NRXN3: variants seen among roughly 807,000 people sequenced by gnomAD.
The protein encoded by NRXN3 is neurexin 3, also known as neurexin III.
Under a neutral mutation model 137.6 loss-of-function variants are expected in NRXN3, and 32 were observed. That is an observed-to-expected ratio of 0.23 (90% CI 0.18 to 0.31). The LOEUF (loss-of-function observed/expected upper bound fraction) is 0.31, where lower values mean the gene tolerates loss of function less well. NRXN3 is among the 10% of genes least tolerant of loss of function. The pLI is 1.00. For synonymous variants in NRXN3, 798 were observed against 784.5 expected (o/e 1.02, Z -0.29); for missense variants, 1,574 against 2,062.5 (o/e 0.76, Z 4.59).
chr14:79,134,990 C>T (rs1489875742), intron 15 of NRXN3, among the ~76,000 whole-genome samples: 2 of 152,172 alleles, frequency 1.3e-5, no homozygotes, highest in African/African-American at 2.4e-5. Flanking sequence ...AAACTATTTC[C>T]TTTAGAATGC....
intron 20 of NRXN3, among the ~76,000 whole-genome samples, chr14:79,825,156 A>G (rs923641971): frequency 1.1e-4 from 16 of 147,694 alleles, no homozygotes; most frequent in African/African-American, 4.0e-4. Context: ...GCCAAATGCC[A>G]TTACGTAACT....
At chr14:78,432,050 A>T (rs1338900278) in intron 4 of NRXN3, among the ~76,000 whole-genome samples, 1 of 152,118 alleles carries the variant, frequency 6.6e-6, no homozygotes, top group African/African-American at 2.4e-5. Context: ...TTCATTTTGG[A>T]CATGTTGAGT....
intron 15 of NRXN3, among the ~76,000 whole-genome samples, chr14:79,331,889 T>C (rs987476197): frequency 2.0e-5 from 3 of 151,920 alleles, no homozygotes; most frequent in African/African-American, 4.8e-5. Flanking sequence ...CTACACACTT[T>C]AGTTGTTTAG....
intron 6 of NRXN3, among the ~76,000 whole-genome samples, chr14:78,651,648 T>C (rs2097744654): frequency 6.6e-6 from 1 of 152,204 alleles, no homozygotes; most frequent in South Asian, 2.1e-4. Flanking sequence ...CTCACAATCA[T>C]GGCAGAAGGC....
intron 16 of NRXN3, among the ~76,000 whole-genome samples, chr14:79,525,717 TCATTAA>T (rs1250769559): frequency 5.3e-5 from 8 of 152,234 alleles, no homozygotes; most frequent in African/African-American, 1.9e-4. Context: ...TAGATTCCCA[TCATTAA>T]CATTAAGTTT....
At chr14:79,745,179 C>T (rs1408418816) in intron 19 of NRXN3, among the ~76,000 whole-genome samples, 1 of 152,090 alleles carries the variant, frequency 6.6e-6, no homozygotes, top group African/African-American at 2.4e-5. Flanking sequence ...AATTTCATTG[C>T]TCAGTGATGC....
chr14:78,536,806 T>A (rs1017692004), intron 4 of NRXN3, among the ~76,000 whole-genome samples: 1 of 150,026 alleles, frequency 6.7e-6, no homozygotes, highest in Non-Finnish European at 1.5e-5. Context: ...CCGGCCTGTG[T>A]CCAAGTGAAC....
rs2098825478 is a variant in NRXN3 at position 79,716,864 on chromosome 14, A to G, written c.4014+18927A>G. Among the ~76,000 whole-genome samples, 4 of 152,126 alleles carry G rather than the reference A, an allele frequency of 2.6e-5. No homozygotes were observed. The South Asian group carries it at 8.3e-4, about 32-fold the overall frequency. ...AAATTCATTCGTTATCATTGTTGTAATTATTAGTAGTAACAATGGGCATTT... is the reference window on the plus strand; with the variant it reads ...AAATTCATTCGTTATCATTGTTGTAGTTATTAGTAGTAACAATGGGCATTT... On this transcript the variant is annotated intron_variant, in intron 19 of 20. Coordinates refer to ENST00000335750, the MANE Select transcript of NRXN3 (RefSeq NM_001330195.2).
At chr14:79,390,394 C>G (rs2094806466) in intron 15 of NRXN3, among the ~76,000 whole-genome samples, 1 of 151,948 alleles carries the variant, frequency 6.6e-6, no homozygotes, top group Non-Finnish European at 1.5e-5. Flanking sequence ...TTTAACATTC[C>G]TATCTTCATC....
chr14:79,108,720 A>G (rs1247331650), intron 15 of NRXN3, among the ~76,000 whole-genome samples: 1 of 152,190 alleles, frequency 6.6e-6, no homozygotes, highest in East Asian at 1.9e-4. Context: ...TTCTAGTTTA[A>G]TATAGCATAA....
intron 15 of NRXN3, among the ~76,000 whole-genome samples, chr14:79,410,811 C>T (rs966354236): frequency 4.6e-5 from 7 of 152,022 alleles, no homozygotes; most frequent in Non-Finnish European, 1.0e-4. Context: ...AACCACTGTC[C>T]TAGGTAATGC....
At chr14:79,132,370 G>T (rs925371709) in intron 15 of NRXN3, among the ~76,000 whole-genome samples, 1 of 152,188 alleles carries the variant, frequency 6.6e-6, no homozygotes, top group African/African-American at 2.4e-5. Flanking sequence ...GAGATGTGCT[G>T]TAAGTATAAA....
intron 15 of NRXN3, among the ~76,000 whole-genome samples, chr14:79,069,661 T>G (rs2099685068): frequency 6.6e-6 from 1 of 152,142 alleles, no homozygotes; most frequent in Non-Finnish European, 1.5e-5. Flanking sequence ...CCATTAAAAC[T>G]TCCAGAAACT....
intron 4 of NRXN3, among the ~76,000 whole-genome samples, chr14:78,308,955 A>G (rs1018858194): frequency 6.6e-6 from 1 of 152,102 alleles, no homozygotes. Context: ...CTGAACCTGA[A>G]CTTGATAATG....
At chr14:78,190,798 C>G (rs967564738) in intron 1 of NRXN3, among the ~76,000 whole-genome samples, 23 of 152,106 alleles carry the variant, frequency 1.5e-4, no homozygotes, top group South Asian at 1.5e-3. Context: ...CTCAGCCTCC[C>G]GAGTAGCTGG....
intron 15 of NRXN3, among the ~76,000 whole-genome samples, chr14:78,996,996 C>CT (rs1385659464): frequency 6.6e-6 from 1 of 152,080 alleles, no homozygotes; most frequent in African/African-American, 2.4e-5. Context: ...ATCACACTTG[C>CT]TTTTAAGTTC....
At chr14:78,719,906 C>G (rs2098451910) in intron 8 of NRXN3, among the ~76,000 whole-genome samples, 1 of 152,098 alleles carries the variant, frequency 6.6e-6, no homozygotes, top group Admixed American at 6.6e-5. Context: ...ACCTGCACCT[C>G]ATTCCTGTTT....
At chr14:79,604,055 AT>A (rs1017940876) in intron 16 of NRXN3, among the ~76,000 whole-genome samples, 4 of 149,498 alleles carry the variant, frequency 2.7e-5, no homozygotes, top group East Asian at 2.0e-4. Flanking sequence ...GCCCAGATAA[AT>A]TTTTTTTTGT....
intron 10 of NRXN3, among the ~76,000 whole-genome samples, chr14:78,849,826 A>G (rs2099037765): frequency 6.6e-6 from 1 of 152,112 alleles, no homozygotes; most frequent in Non-Finnish European, 1.5e-5. Flanking sequence ...CTGAATGAGA[A>G]AGGAGGTGGA....
Sources: gnomAD v4.1 joint callset for allele counts (sites outside exome capture counted in the v4.1 genomes callset) on GRCh38, gnomAD v4.1.1 for gene constraint, MANE v1.5 for transcripts, NCBI Gene and HGNC (gene_info 2026-07-23, HGNC 2026-07-21) for gene names.